Variants in COL19A1 observed in about 807,000 individuals in gnomAD.
The protein encoded by COL19A1 is collagen alpha-1(XIX) chain.
A neutral mutation model predicts 190.2 loss-of-function variants in COL19A1; 159 were observed. That is an observed-to-expected ratio of 0.84 (90% confidence interval 0.73 to 0.95). The LOEUF (loss-of-function observed/expected upper bound fraction) is 0.95. Ranked by LOEUF, COL19A1 falls within the 40% of genes least tolerant of loss-of-function variation. The pLI is 0.00. For synonymous variants in COL19A1, 509 were observed against 458.9 expected (o/e 1.11, Z -1.39); for missense variants, 1,418 against 1,431.9 (o/e 0.99, Z 0.16).
At chr6:69,933,180 A>G (rs934838389) in intron 7 of COL19A1, among the ~76,000 whole-genome samples, 1 of 151,998 alleles carries the variant, frequency 6.6e-6, no homozygotes, top group African/African-American at 2.4e-5. Flanking sequence ...TAAATCTGTG[A>G]TCATACTTTA....
intron 4 of COL19A1, among the ~76,000 whole-genome samples, chr6:69,903,513 A>T (rs1582341491): frequency 1.3e-5 from 2 of 152,142 alleles, no homozygotes. Context: ...CTGCATGATG[A>T]CTATATCCCA....
At chr6:70,036,587 C>A (rs1246084480) in intron 14 of COL19A1, among the ~76,000 whole-genome samples, 3 of 152,002 alleles carry the variant, frequency 2.0e-5, no homozygotes, top group African/African-American at 7.3e-5. Context: ...CTATTACAGA[C>A]TTTTTTCATA....
intron 27 of COL19A1, 117 bp downstream of exon 27, chr6:70,147,006 C>G: frequency 1.2e-6 from 1 of 854,266 alleles, no homozygotes; most frequent in Non-Finnish European, 1.8e-6. Flanking sequence ...CAAATAAACA[C>G]TATCCAGAGA....
At chr6:70,134,819 GCAAT>G (rs949157358) in intron 18 of COL19A1, among the ~76,000 whole-genome samples, 3 of 152,272 alleles carry the variant, frequency 2.0e-5, no homozygotes, top group South Asian at 2.1e-4. Context: ...CAGCAAGCAA[GCAAT>G]CAGTTTTGCA....
In COL19A1 at chr6:70,073,236, C is replaced by T. The variant is rs898757736; in HGVS notation, c.1224+4760C>T. ...CTCCTGACCTCAGGTGATCCACGCTCCTTGGCCTACCAAAGTTCTGGGATT... is the reference window on the plus strand; with the variant it reads ...CTCCTGACCTCAGGTGATCCACGCTTCTTGGCCTACCAAAGTTCTGGGATT... On this transcript the variant is annotated intron_variant, in intron 15 of 50. Coordinates refer to ENST00000620364, the MANE Select transcript of COL19A1 (RefSeq NM_001858.6). 2.0e-5 allele frequency among the ~76,000 whole-genome samples: 3 copies of T among 152,090 alleles called. No homozygotes were observed. The East Asian group carries it at 5.8e-4, about 29-fold the overall frequency.
At chr6:70,172,155 C>T in intron 41 of COL19A1, 138 bp downstream of exon 41, 1 of 656,994 alleles carries the variant, frequency 1.5e-6, no homozygotes, top group Non-Finnish European at 2.7e-6. Flanking sequence ...ACTCATGGGA[C>T]TTACATTCTA....
intron 2 of COL19A1, among the ~76,000 whole-genome samples, chr6:69,881,398 A>G (rs1768544082): frequency 1.3e-5 from 2 of 151,994 alleles, no homozygotes. Flanking sequence ...CTTAACATGA[A>G]GTCTGCCCTC....
In COL19A1 at chr6:69,928,676, C is replaced by T. The variant is rs958848618; in HGVS notation, c.390+644C>T. On this transcript the variant is annotated intron_variant, in intron 5 of 50. Transcript: ENST00000620364. ...TGGGAGCACCGAAAGGGCAGCTCAT[C>T]GGAATTGGGGGATGGAGAGAGCAGG... is the stretch of plus-strand genomic sequence containing the variant. Among the ~76,000 whole-genome samples the T allele has an allele frequency of 3.9e-5, 6 of 151,926 alleles. No individual in the cohort carries two copies. In the South Asian group the frequency reaches 1.0e-3, roughly 26 times the overall value.
chr6:69,900,569 AGAG>A (rs1261596763), intron 4 of COL19A1, among the ~76,000 whole-genome samples: 116 of 152,310 alleles, frequency 7.6e-4, no homozygotes, highest in African/African-American at 2.7e-3. Flanking sequence ...CACGATCATT[AGAG>A]AACAGTAATT....
At chr6:70,059,739 A>G (rs916248833) in intron 14 of COL19A1, 1 of 523,260 alleles carries the variant, frequency 1.9e-6, no homozygotes, top group Non-Finnish European at 3.9e-6. Context: ...ATGTAGACCT[A>G]TGCAGATGTT....
At chr6:70,141,709 A>G (rs1786261690) in intron 20 of COL19A1, among the ~76,000 whole-genome samples, 184 bp from the exon 21 acceptor site, 1 of 152,108 alleles carries the variant, frequency 6.6e-6, no homozygotes, top group Non-Finnish European at 1.5e-5. Context: ...TCAAGAAAGT[A>G]TTATTTATTA....
At chr6:70,029,727 C>T (rs943692030) in intron 12 of COL19A1, among the ~76,000 whole-genome samples, 2 of 152,142 alleles carry the variant, frequency 1.3e-5, no homozygotes, top group African/African-American at 4.8e-5. Context: ...CTTTAATGGT[C>T]ATAAAAGTAG....
chr6:69,887,647 T>C (rs551086965), intron 2 of COL19A1, among the ~76,000 whole-genome samples: 1 of 152,348 alleles, frequency 6.6e-6, no homozygotes, highest in South Asian at 2.1e-4. Context: ...ACAGTATGTA[T>C]TAATGTTGCA....
intron 16 of COL19A1, among the ~76,000 whole-genome samples, chr6:70,109,555 TGTG>T: frequency 6.7e-6 from 1 of 150,316 alleles, no homozygotes; most frequent in Middle Eastern, 3.4e-3. Flanking sequence ...TGTGTGTGTG[TGTG>T]TGTGTGTGTG....
At chr6:69,907,613 A>G (rs1770649634) in intron 4 of COL19A1, among the ~76,000 whole-genome samples, 2 of 152,328 alleles carry the variant, frequency 1.3e-5, no homozygotes, top group South Asian at 4.1e-4. Context: ...ATTTTCCAAT[A>G]TCTTCTGTAG....
intron 15 of COL19A1, among the ~76,000 whole-genome samples, chr6:70,083,022 G>C (rs1438504413): frequency 3.3e-5 from 5 of 152,186 alleles, no homozygotes; most frequent in Non-Finnish European, 7.4e-5. Flanking sequence ...GTGCAGCCCG[G>C]TTCCTAACAG....
chr6:69,984,918 A>G (rs144239770), intron 11 of COL19A1, among the ~76,000 whole-genome samples: 6 of 152,252 alleles, frequency 3.9e-5, no homozygotes, highest in Non-Finnish European at 8.8e-5. Flanking sequence ...AATTTTCTTC[A>G]TTTTAAAGAA....
intron 48 of COL19A1, among the ~76,000 whole-genome samples, chr6:70,198,679 G>A (rs1323347402): frequency 1.3e-5 from 2 of 152,148 alleles, no homozygotes; most frequent in African/African-American, 4.8e-5. Flanking sequence ...TATTCGATAT[G>A]CTTTTTTTAG....
chr6:70,052,931 T>C (rs968767293), intron 14 of COL19A1, among the ~76,000 whole-genome samples: 1 of 152,188 alleles, frequency 6.6e-6, no homozygotes, highest in Non-Finnish European at 1.5e-5. Flanking sequence ...TTCTATTTCT[T>C]AGAGTTGTTA....
Sources: allele counts gnomAD v4.1 joint callset (sites outside exome capture counted in the v4.1 genomes callset), GRCh38; gene constraint gnomAD v4.1.1; transcripts MANE v1.5; gene names NCBI Gene and HGNC (gene_info 2026-07-23, HGNC 2026-07-21).